Variants in NRG1 observed in about 807,000 individuals in gnomAD.
NRG1 encodes neuregulin 1.
Under a neutral mutation model 63.8 loss-of-function variants are expected in NRG1, and 18 were observed. That is an observed-to-expected ratio of 0.28 (90% CI 0.19 to 0.42). The LOEUF is 0.42. NRG1 is among the 10% of genes least tolerant of loss of function. The pLI is 1.00. For missense variants in NRG1, 762 were observed against 814.7 expected, an observed-to-expected ratio of 0.94 and a Z score of 0.79; for synonymous variants, 302 against 301.3, an observed-to-expected ratio of 1.00 and a Z score of -0.02.
At chr8:31,639,463 C>T (rs1376632120) in intron 1 of NRG1, 1 of 1,532,194 alleles carries the variant, frequency 6.5e-7, no homozygotes, top group East Asian at 2.5e-5. Flanking sequence ...AGGACGCTGT[C>T]GCCGCCGCGG....
At position 31,901,828 on chromosome 8, in the gene NRG1, T is replaced by G. The variant is rs550967140; in HGVS notation, c.37+262397T>G. 8.5e-5 allele frequency among the ~76,000 whole-genome samples: 13 copies of G among 152,330 alleles called. No homozygotes were observed. In the South Asian group the frequency reaches 2.5e-3, roughly 29 times the overall value. ...TCTCAATATCAGTTCCTGGTTATTG[T>G]CATCATTCCTTTATCAGAGTTTGTT... is the stretch of plus-strand genomic sequence containing the variant. On this transcript the variant is annotated intron_variant, in intron 1 of 10. Coordinates refer to the NRG1 transcript ENST00000519301.
intron 1 of NRG1, among the ~76,000 whole-genome samples, chr8:32,128,758 C>T (rs1834426646): frequency 6.6e-6 from 1 of 151,944 alleles, no homozygotes; most frequent in Non-Finnish European, 1.5e-5. Context: ...TTCTCCCTCT[C>T]ACAGAATAAA....
intron 1 of NRG1, among the ~76,000 whole-genome samples, chr8:32,465,297 C>A (rs889126738): frequency 1.3e-5 from 2 of 152,176 alleles, no homozygotes; most frequent in African/African-American, 4.8e-5. Flanking sequence ...TAATTAATAA[C>A]AAAGTCTTAC....
At chr8:31,971,679 TAAGA>T (rs1322338827) in intron 1 of NRG1, among the ~76,000 whole-genome samples, 2 of 151,880 alleles carry the variant, frequency 1.3e-5, no homozygotes, top group African/African-American at 2.4e-5. Flanking sequence ...TATGTACCAC[TAAGA>T]AAGAAAAAGA....
At chr8:31,873,484 G>T (rs1160577379) in intron 1 of NRG1, among the ~76,000 whole-genome samples, 1 of 152,154 alleles carries the variant, frequency 6.6e-6, no homozygotes, top group Non-Finnish European at 1.5e-5. Context: ...GCTTGAACCT[G>T]GGAGGCGGAG....
intron 1 of NRG1, among the ~76,000 whole-genome samples, chr8:32,093,364 C>T (rs1829464669): frequency 1.3e-5 from 2 of 152,086 alleles, no homozygotes; most frequent in South Asian, 4.1e-4. Flanking sequence ...ATGTCACTTG[C>T]CTTTGGACAA....
At chr8:31,770,196 C>T (rs1818472142) in intron 1 of NRG1, among the ~76,000 whole-genome samples, 3 of 152,060 alleles carry the variant, frequency 2.0e-5, no homozygotes, top group Non-Finnish European at 2.9e-5. Flanking sequence ...GACATTGTGC[C>T]GCCTGTGCCT....
chr8:32,316,951 G>A (rs1430436933), intron 1 of NRG1, among the ~76,000 whole-genome samples: 1 of 152,212 alleles, frequency 6.6e-6, no homozygotes, highest in African/African-American at 2.4e-5. Flanking sequence ...TCCTGAGGAA[G>A]TATTTTCTCC....
At chr8:32,725,838 A>T (rs1241113975) in intron 5 of NRG1, among the ~76,000 whole-genome samples, 1 of 152,032 alleles carries the variant, frequency 6.6e-6, no homozygotes, top group East Asian at 1.9e-4. Flanking sequence ...CACCTAAATA[A>T]GTAGTTTTTT....
Position 32,386,157 on chromosome 8 carries a change from C to T in NRG1, c.38-209671C>T, listed in dbSNP as rs546348925. 1.6e-4 allele frequency among the ~76,000 whole-genome samples: 24 copies of T among 152,246 alleles called. No homozygotes were observed. The South Asian group carries it at 3.7e-3, about 24-fold the overall frequency. The stretch of plus-strand genomic sequence containing the variant: ...CACTCTGTTGCTCAGGCTGGAATGC[C>T]GTGGTGCAGTCATGGCTCACTGCAG... On this transcript the variant is annotated intron_variant, in intron 1 of 10. Coordinates refer to the NRG1 transcript ENST00000519301.
intron 1 of NRG1, among the ~76,000 whole-genome samples, chr8:32,518,541 G>A (rs1460039591): frequency 6.6e-6 from 1 of 152,100 alleles, no homozygotes; most frequent in African/African-American, 2.4e-5. Flanking sequence ...TACAAAGAGT[G>A]ACGACATGTG....
At chr8:32,606,189 TTACATATATAATATGCA>T (rs975635706) in intron 3 of NRG1, among the ~76,000 whole-genome samples, 5 of 148,872 alleles carry the variant, frequency 3.4e-5, no homozygotes, top group African/African-American at 1.2e-4. Context: ...ATTATATATA[TTACATATATAATATGCA>T]TACATATATA....
chr8:32,012,632 A>G (rs1184518599), intron 1 of NRG1, among the ~76,000 whole-genome samples: 1 of 152,092 alleles, frequency 6.6e-6, no homozygotes, highest in Non-Finnish European at 1.5e-5. Context: ...ATTTATAGCT[A>G]ATTGAACATG....
At chr8:32,645,807 G>A (rs191779973) in intron 5 of NRG1, among the ~76,000 whole-genome samples, 194 of 152,318 alleles carry the variant, frequency 1.3e-3, no homozygotes, top group Non-Finnish European at 2.5e-3. Flanking sequence ...GTGCAGTGAT[G>A]TGCAGCACAG....
chr8:32,595,057 A>C (rs926083723), intron 1 of NRG1, among the ~76,000 whole-genome samples: 7 of 152,192 alleles, frequency 4.6e-5, no homozygotes, highest in African/African-American at 1.7e-4. Flanking sequence ...TCTGAAATTA[A>C]ACTTCCCGAT....
At chr8:32,183,623 A>C (rs1490584783) in intron 1 of NRG1, among the ~76,000 whole-genome samples, 1 of 152,208 alleles carries the variant, frequency 6.6e-6, no homozygotes, top group Admixed American at 6.5e-5. Flanking sequence ...GGAATCAACC[A>C]ACCAAGTGCC....
At chr8:32,551,765 C>G (rs983113517) in intron 1 of NRG1, among the ~76,000 whole-genome samples, 1 of 152,076 alleles carries the variant, frequency 6.6e-6, no homozygotes, top group African/African-American at 2.4e-5. Context: ...TAAGAATAGT[C>G]TTGGGTGCTG....
intron 1 of NRG1, among the ~76,000 whole-genome samples, chr8:31,776,503 G>T (rs1047301433): frequency 6.6e-6 from 1 of 152,088 alleles, no homozygotes; most frequent in Non-Finnish European, 1.5e-5. Context: ...CTCTTGTCAG[G>T]CCTGTTTGTT....
intron 1 of NRG1, among the ~76,000 whole-genome samples, chr8:31,678,056 C>T (rs1028360658): frequency 4.6e-4 from 68 of 149,378 alleles, no homozygotes; most frequent in African/African-American, 1.6e-3. Context: ...TACACATAAA[C>T]GAAACCAACA....
Sources: allele counts gnomAD v4.1 joint callset (sites outside exome capture counted in the v4.1 genomes callset), GRCh38; gene constraint gnomAD v4.1.1; transcripts MANE v1.5; gene names NCBI Gene and HGNC (gene_info 2026-07-23, HGNC 2026-07-21).